CAPZB: variants seen among roughly 807,000 people sequenced by gnomAD.
CAPZB encodes capping actin protein of muscle Z-line subunit beta.
In CAPZB, 2 loss-of-function variants were observed where a neutral mutation model predicts 38.1. That is an observed-to-expected ratio of 0.05 (90% CI 0.02 to 0.17). The LOEUF is 0.17. CAPZB is among the 10% of genes least tolerant of loss of function. The probability of loss-of-function intolerance (pLI) is 1.00; values close to 1 mark genes in which losing one functional copy is unlikely to be tolerated. For missense variants in CAPZB, 161 were observed against 334.2 expected, an observed-to-expected ratio of 0.48 and a Z score of 4.04; for synonymous variants, 107 against 127.4, an observed-to-expected ratio of 0.84 and a Z score of 1.08.
At chr1:19,355,272 T>C (rs1012653422) in intron 6 of CAPZB, among the ~76,000 whole-genome samples, 1 of 152,132 alleles carries the variant, frequency 6.6e-6, no homozygotes, top group African/African-American at 2.4e-5. Context: ...GGTGGGCGGA[T>C]CACTTGAGGT....
At chr1:19,437,861 A>G (rs2094463138) in intron 1 of CAPZB, among the ~76,000 whole-genome samples, 1 of 152,178 alleles carries the variant, frequency 6.6e-6, no homozygotes, top group Non-Finnish European at 1.5e-5. Context: ...TGTGACCAAA[A>G]CTAATAGAAG....
chr1:19,405,715 T>TTAAATCTCTTCTGCATTTGGCTC (rs1553278803), intron 2 of CAPZB, among the ~76,000 whole-genome samples: 2 of 152,192 alleles, frequency 1.3e-5, no homozygotes, highest in Non-Finnish European at 1.5e-5. Flanking sequence ...TTAACGATCA[T>TTAAATCTCTTCTGCATTTGGCTC]TAAATCTCTT....
intron 4 of CAPZB, among the ~76,000 whole-genome samples, chr1:19,366,675 C>G (rs1440815272): frequency 6.6e-6 from 1 of 150,868 alleles, no homozygotes; most frequent in Admixed American, 6.7e-5. Context: ...GCAAAAAGAG[C>G]GAGACTCCAT....
intron 1 of CAPZB, 86 bp downstream of exon 1, chr1:19,485,350 C>G (rs1433015298): frequency 1.0e-6 from 1 of 992,094 alleles, no homozygotes; most frequent in East Asian, 3.3e-5. Context: ...GGAAGCCACC[C>G]GTCCCAGGCC....
chr1:19,484,121 G>A (rs2094641209), intron 1 of CAPZB: 1 of 1,519,330 alleles, frequency 6.6e-7, no homozygotes, highest in Non-Finnish European at 8.9e-7. Context: ...AGTCTGGATA[G>A]CATCTGCCTT....
chr1:19,374,008 T>C (rs567023764), intron 4 of CAPZB, among the ~76,000 whole-genome samples: 9 of 152,246 alleles, frequency 5.9e-5, no homozygotes, highest in African/African-American at 1.7e-4. Context: ...ACAAAGCTAA[T>C]GGGTTAATGG....
At chr1:19,368,848 T>C (rs2094105242) in intron 4 of CAPZB, among the ~76,000 whole-genome samples, 1 of 151,988 alleles carries the variant, frequency 6.6e-6, no homozygotes, top group Admixed American at 6.6e-5. Context: ...TTCTTGATAC[T>C]TGCACAAAGC....
intron 2 of CAPZB, among the ~76,000 whole-genome samples, chr1:19,405,541 CAAAAAAAA>C (rs10577923): frequency 3.1e-5 from 3 of 96,514 alleles, no homozygotes; most frequent in South Asian, 3.7e-4. Flanking sequence ...TAGAAAGAGG[CAAAAAAAA>C]AAAAAAAAAA....
intron 1 of CAPZB, among the ~76,000 whole-genome samples, chr1:19,461,257 T>C (rs1049010685): frequency 2.0e-5 from 3 of 152,266 alleles, no homozygotes; most frequent in South Asian, 2.1e-4. Flanking sequence ...GAGCCCACTT[T>C]CAGGTCCAAA....
At chr1:19,421,704 T>C (rs1019872393) in intron 1 of CAPZB, among the ~76,000 whole-genome samples, 8 of 152,230 alleles carry the variant, frequency 5.3e-5, no homozygotes, top group Admixed American at 4.6e-4. Context: ...ACATATTCAA[T>C]TCCCAATACT....
intron 1 of CAPZB, among the ~76,000 whole-genome samples, chr1:19,466,309 T>C (rs2094569004): frequency 6.6e-6 from 1 of 152,232 alleles, no homozygotes; most frequent in East Asian, 1.9e-4. Flanking sequence ...CCTTACTCTT[T>C]GCACTAGACC....
At chr1:19,415,318 T>C (rs1378657491) in intron 2 of CAPZB, among the ~76,000 whole-genome samples, 1 of 152,224 alleles carries the variant, frequency 6.6e-6, no homozygotes, top group Non-Finnish European at 1.5e-5. Flanking sequence ...TTTCAAAACA[T>C]CTGACTGATC....
At chr1:19,436,048 G>A (rs2094457217) in intron 1 of CAPZB, among the ~76,000 whole-genome samples, 1 of 152,158 alleles carries the variant, frequency 6.6e-6, no homozygotes, top group Admixed American at 6.5e-5. Context: ...TGAGCCTCGA[G>A]TTCCCCCATC....
intron 8 of CAPZB, among the ~76,000 whole-genome samples, chr1:19,343,492 G>A (rs1326586776): frequency 1.3e-5 from 2 of 152,212 alleles, no homozygotes; most frequent in Non-Finnish European, 2.9e-5. Flanking sequence ...ACTGCAGAGC[G>A]TGTTCTAGAT....
chr1:19,399,824 C>T (rs559608936), intron 2 of CAPZB, among the ~76,000 whole-genome samples: 100 of 152,248 alleles, frequency 6.6e-4, no homozygotes, highest in African/African-American at 2.3e-3. Flanking sequence ...TGTTGACATC[C>T]TACGAAGTTT....
At chr1:19,365,779 A>G (rs1267602937) in intron 4 of CAPZB, among the ~76,000 whole-genome samples, 1 of 151,890 alleles carries the variant, frequency 6.6e-6, no homozygotes, top group Non-Finnish European at 1.5e-5. Context: ...GGTTGCGGTG[A>G]GCCGAGATCA....
intron 1 of CAPZB, among the ~76,000 whole-genome samples, chr1:19,481,425 T>C (rs2094628112): frequency 6.6e-6 from 1 of 152,034 alleles, no homozygotes; most frequent in Non-Finnish European, 1.5e-5. Flanking sequence ...ACACAGTGAG[T>C]GGGGTCCAGC....
At chr1:19,380,385 G>T (rs918521316) in intron 3 of CAPZB, among the ~76,000 whole-genome samples, 1 of 152,224 alleles carries the variant, frequency 6.6e-6, no homozygotes, top group Non-Finnish European at 1.5e-5. Context: ...ACCCCCTGCT[G>T]CCCCATGAGC....
At chr1:19,394,566 C>T (rs1319166766) in intron 2 of CAPZB, among the ~76,000 whole-genome samples, 1 of 152,034 alleles carries the variant, frequency 6.6e-6, no homozygotes, top group Non-Finnish European at 1.5e-5. Context: ...ACTAAAAATA[C>T]AAAAATTAGC....
Sources: allele counts gnomAD v4.1 joint callset (sites outside exome capture counted in the v4.1 genomes callset), GRCh38; gene constraint gnomAD v4.1.1; transcripts MANE v1.5; gene names NCBI Gene and HGNC (gene_info 2026-07-23, HGNC 2026-07-21).